CACNA2D3: variants seen among roughly 807,000 people sequenced by gnomAD.
CACNA2D3 encodes the protein calcium voltage-gated channel auxiliary subunit alpha2delta 3, also known as voltage-dependent calcium channel subunit alpha-2/delta-3.
Under a neutral mutation model 160.6 loss-of-function variants are expected in CACNA2D3, and 60 were observed. The observed-to-expected ratio is 0.37, with a 90% CI of 0.30 to 0.46. The LOEUF (loss-of-function observed/expected upper bound fraction) is 0.46. Ranked by LOEUF, CACNA2D3 falls within the 20% of genes least tolerant of loss-of-function variation. The pLI is 1.00. For missense variants in CACNA2D3, 1,205 were observed against 1,365.0 expected (o/e 0.88, Z 1.85); for synonymous variants, 558 against 492.9 (o/e 1.13, Z -1.75).
intron 27 of CACNA2D3, among the ~76,000 whole-genome samples, chr3:54,967,950 A>G (rs1373017558): frequency 3.3e-5 from 5 of 152,328 alleles, no homozygotes; most frequent in Non-Finnish European, 5.9e-5. Context: ...CTAGGAGGCC[A>G]GTTAAACTAA....
At chr3:54,824,771 C>T (rs1703716208) in intron 14 of CACNA2D3, among the ~76,000 whole-genome samples, 2 of 152,112 alleles carry the variant, frequency 1.3e-5, no homozygotes, top group South Asian at 4.2e-4. Flanking sequence ...ACGCCACATG[C>T]TCAATGAGGG....
chr3:54,203,804 C>T (rs1000033893), intron 2 of CACNA2D3, among the ~76,000 whole-genome samples: 1 of 152,088 alleles, frequency 6.6e-6, no homozygotes, highest in Admixed American at 6.5e-5. Flanking sequence ...TCTTCTTCCG[C>T]TGATGTGCCT....
chr3:54,465,708 C>T lies in CACNA2D3; in HGVS notation c.382-37784C>T, dbSNP rs184252229. Among the ~76,000 whole-genome samples the T allele has an allele frequency of 1.6e-4, 25 of 152,280 alleles. 1 individual carries two copies. Among genetic ancestry groups the T allele is most frequent in the Middle Eastern group, 6.8e-3 (2 of 294 alleles). On this transcript the variant is annotated intron_variant, in intron 4 of 37. Coordinates refer to ENST00000474759, the MANE Select transcript of CACNA2D3 (RefSeq NM_018398.3). ...TGGCATTGAAAGAAATGGCCAAAAC[C>T]GCAATTACTTTTGCATCAACCTAGA...
intron 2 of CACNA2D3, among the ~76,000 whole-genome samples, chr3:54,269,373 T>A (rs746998171): frequency 4.0e-5 from 6 of 151,058 alleles, no homozygotes; most frequent in Non-Finnish European, 8.8e-5. Context: ...GGTGTGAGTT[T>A]CCTCTTTCTC....
chr3:54,646,831 C>T (rs1457797485), intron 11 of CACNA2D3, among the ~76,000 whole-genome samples: 1 of 152,130 alleles, frequency 6.6e-6, no homozygotes, highest in African/African-American at 2.4e-5. Context: ...TGAGGAATAA[C>T]CACACGGTCT....
chr3:55,061,565 G>C (rs754526556), intron 35 of CACNA2D3, among the ~76,000 whole-genome samples: 3 of 152,208 alleles, frequency 2.0e-5, no homozygotes, highest in Non-Finnish European at 2.9e-5. Context: ...GTAAGCTTCA[G>C]ATAGGGCTTA....
intron 35 of CACNA2D3, among the ~76,000 whole-genome samples, chr3:55,029,035 C>G (rs1175753583): frequency 6.6e-6 from 1 of 152,194 alleles, no homozygotes; most frequent in African/African-American, 2.4e-5. Context: ...CATTTTCCAA[C>G]GAACAACTCC....
At chr3:55,010,228 C>G (rs571909540) in intron 34 of CACNA2D3, among the ~76,000 whole-genome samples, 1 of 151,946 alleles carries the variant, frequency 6.6e-6, no homozygotes, top group Admixed American at 6.6e-5. Flanking sequence ...ACACTGGGGC[C>G]TACTTGAGGT....
At chr3:54,711,125 A>G (rs1320038400) in intron 11 of CACNA2D3, among the ~76,000 whole-genome samples, 1 of 152,188 alleles carries the variant, frequency 6.6e-6, no homozygotes. Context: ...ATTGTGCCAT[A>G]AAATAACGTG....
chr3:54,875,630 G>T (rs1433657835), intron 18 of CACNA2D3: 2 of 152,226 alleles, frequency 1.3e-5, no homozygotes, highest in African/African-American at 4.8e-5. Flanking sequence ...AATGAAACAG[G>T]AAACGTGGCT....
intron 35 of CACNA2D3, among the ~76,000 whole-genome samples, chr3:55,037,412 G>A (rs1481992021): frequency 6.6e-6 from 1 of 152,170 alleles, no homozygotes; most frequent in African/African-American, 2.4e-5. Context: ...TGGAATCAGG[G>A]CTTCAGGAAA....
At chr3:54,376,841 T>C (rs1412973394) in intron 3 of CACNA2D3, among the ~76,000 whole-genome samples, 1 of 152,188 alleles carries the variant, frequency 6.6e-6, no homozygotes, top group Non-Finnish European at 1.5e-5. Flanking sequence ...ACCAACACGA[T>C]ATATTCCTTC....
chr3:55,024,208 C>T (rs1703517143), intron 35 of CACNA2D3, among the ~76,000 whole-genome samples: 1 of 149,282 alleles, frequency 6.7e-6, no homozygotes, highest in African/African-American at 2.5e-5. Context: ...AACCTTAACT[C>T]CATGAAGTTC....
chr3:55,074,021 T>C (rs777843614), intron 37 of CACNA2D3, 93 bp from the exon 38 acceptor site: 91 of 1,201,486 alleles, frequency 7.6e-5, no homozygotes, highest in Non-Finnish European at 1.1e-4. Context: ...GAAGACTTCG[T>C]TCTTACGTTA....
chr3:54,811,465 C>CCTTTTTTTTT (rs1703312318), intron 13 of CACNA2D3, among the ~76,000 whole-genome samples: 1 of 111,562 alleles, frequency 9.0e-6, no homozygotes, highest in Non-Finnish European at 1.8e-5. Context: ...TCCCTCAGTT[C>CCTTTTTTTTT]TTTTTTTTTT....
At chr3:54,594,733 G>A (rs1165800180) in intron 9 of CACNA2D3, among the ~76,000 whole-genome samples, 2 of 152,150 alleles carry the variant, frequency 1.3e-5, no homozygotes, top group Admixed American at 6.5e-5. Context: ...ACAGCATTTT[G>A]CAATTTAGAA....
At chr3:54,413,442 G>A (rs1295050665) in intron 4 of CACNA2D3, among the ~76,000 whole-genome samples, 7 of 145,182 alleles carry the variant, frequency 4.8e-5, no homozygotes. Flanking sequence ...ATATATATCT[G>A]CTTGCTCTGC....
At chr3:54,920,129 G>C (rs1700797046) in intron 27 of CACNA2D3, among the ~76,000 whole-genome samples, 1 of 152,212 alleles carries the variant, frequency 6.6e-6, no homozygotes, top group Non-Finnish European at 1.5e-5. Context: ...AGTACACACA[G>C]TAAGTGAATT....
At chr3:54,360,378 A>G (rs1698721153) in intron 3 of CACNA2D3, among the ~76,000 whole-genome samples, 1 of 152,210 alleles carries the variant, frequency 6.6e-6, no homozygotes, top group Non-Finnish European at 1.5e-5. Flanking sequence ...CTAGGAATCA[A>G]TTCTGACTTG....
Sources: gnomAD v4.1 joint callset for allele counts (sites outside exome capture counted in the v4.1 genomes callset) on GRCh38, gnomAD v4.1.1 for gene constraint, MANE v1.5 for transcripts, NCBI Gene and HGNC (gene_info 2026-07-23, HGNC 2026-07-21) for gene names.